TPRG1: variants seen among roughly 807,000 people sequenced by gnomAD.
TPRG1 encodes tumor protein p63 regulated 1.
In TPRG1, 29 loss-of-function variants were observed where a neutral mutation model predicts 29.3. The observed-to-expected ratio is 0.99, with a 90% CI of 0.74 to 1.35. TPRG1 has a LOEUF of 1.35. Ranked by LOEUF, TPRG1 falls within the 40% of genes most tolerant of loss-of-function variation. The pLI, the probability that TPRG1 is intolerant of heterozygous loss-of-function variation, is 0.00. For synonymous variants in TPRG1, 130 were observed against 116.8 expected (o/e 1.11, Z -0.73); for missense variants, 327 against 335.0 (o/e 0.98, Z 0.19).
At chr3:189,003,909 G>A (rs1712155862) in intron 2 of TPRG1, among the ~76,000 whole-genome samples, 1 of 152,174 alleles carries the variant, frequency 6.6e-6, no homozygotes, top group South Asian at 2.1e-4. Flanking sequence ...TCTCTTGGGG[G>A]TAGTGGGGGA....
chr3:189,183,120 G>A lies in TPRG1; in HGVS notation c.-10+10989G>A, dbSNP rs184799370. ...AGGTTCTTTTCCATTTTCCCTAAGC[G>A]TCAGCCAGTTTGAGAAATAAAGGGA... On this transcript the variant is annotated intron_variant, in intron 1 of 5. Coordinates refer to ENST00000345063, the MANE Select transcript of TPRG1 (RefSeq NM_198485.4). Among the ~76,000 whole-genome samples the A allele has an allele frequency of 2.5e-4, 38 of 152,216 alleles. No individual in the cohort carries two copies. In the East Asian group the frequency reaches 4.1e-3, roughly 16 times the overall value.
intron 4 of TPRG1, among the ~76,000 whole-genome samples, chr3:189,075,293 C>T (rs532967353): frequency 1.2e-3 from 181 of 152,084 alleles, no homozygotes; most frequent in Non-Finnish European, 2.0e-3. Flanking sequence ...CCACCATGCC[C>T]GGCTAATTTT....
intron 4 of TPRG1, among the ~76,000 whole-genome samples, chr3:189,066,533 A>G (rs999072748): frequency 2.6e-5 from 4 of 152,088 alleles, no homozygotes; most frequent in African/African-American, 9.7e-5. Flanking sequence ...ATAAATCAAT[A>G]TGATACATCA....
chr3:189,199,028 C>T (rs1038901249), intron 1 of TPRG1, among the ~76,000 whole-genome samples: 5 of 152,122 alleles, frequency 3.3e-5, no homozygotes, highest in Non-Finnish European at 5.9e-5. Flanking sequence ...TTCTTAAGTA[C>T]AAGAATAGTT....
chr3:189,321,531 C>T lies in TPRG1; in HGVS notation c.*711C>T, dbSNP rs191442103. ...AGATGTCAAACTTGAAGCTCATTCT[C>T]TTATCAAAATTGTTCATGTATTCCT... On this transcript the variant is annotated 3_prime_UTR_variant, in exon 6 of 6. Transcript: ENST00000345063. 1.3e-5 allele frequency: 2 copies of T among 151,970 alleles called. No homozygotes were observed. The highest frequency in any genetic ancestry group is 2.9e-5 in the Non-Finnish European group (2 of 67,982). The allele number at this position is 151,970 out of a possible 1,614,324, so 9.4% of individuals were successfully genotyped here. A position where few individuals can be genotyped will look rare whatever the true frequency, so the allele number is the denominator to read the frequency against.
intron 2 of TPRG1, among the ~76,000 whole-genome samples, chr3:189,127,629 A>G (rs1722636061): frequency 6.6e-6 from 1 of 152,226 alleles, no homozygotes; most frequent in Non-Finnish European, 1.5e-5. Context: ...ACATGTGGCT[A>G]TACTCCCAGG....
chr3:189,083,234 C>T (rs77523536), intron 4 of TPRG1, among the ~76,000 whole-genome samples: 1,904 of 152,228 alleles, frequency 0.013, 40 homozygotes, highest in African/African-American at 0.041. Context: ...TGGAAGCCAG[C>T]ACATCCTTGG....
At chr3:189,123,141 C>G (rs1722031004) in intron 1 of TPRG1, among the ~76,000 whole-genome samples, 1 of 152,172 alleles carries the variant, frequency 6.6e-6, no homozygotes, top group African/African-American at 2.4e-5. Context: ...GATTAATTCT[C>G]CTTTACTGAA....
intron 4 of TPRG1, among the ~76,000 whole-genome samples, chr3:189,039,435 A>G (rs1263790041): frequency 6.6e-6 from 1 of 152,158 alleles, no homozygotes; most frequent in Non-Finnish European, 1.5e-5. Flanking sequence ...TGAAAGGAGC[A>G]TTTTAAAAAA....
intron 4 of TPRG1, among the ~76,000 whole-genome samples, chr3:189,027,157 C>A (rs1227778693): frequency 2.0e-5 from 3 of 152,164 alleles, no homozygotes. Flanking sequence ...ACACTTTCTT[C>A]TTTCCTTGAC....
chr3:189,287,508 C>G (rs1234043719), intron 4 of TPRG1, among the ~76,000 whole-genome samples: 1 of 151,900 alleles, frequency 6.6e-6, no homozygotes, highest in Non-Finnish European at 1.5e-5. Context: ...TGCCATTCTC[C>G]TGCCTCAGCC....
intron 1 of TPRG1, among the ~76,000 whole-genome samples, chr3:189,103,645 C>A (rs914502495): frequency 2.6e-5 from 4 of 152,046 alleles, no homozygotes; most frequent in Non-Finnish European, 5.9e-5. Flanking sequence ...AGAAAACAAC[C>A]CCCAAAAGCC....
intron 4 of TPRG1, among the ~76,000 whole-genome samples, chr3:189,285,045 C>T (rs1288472770): frequency 6.6e-6 from 1 of 152,132 alleles, no homozygotes; most frequent in Non-Finnish European, 1.5e-5. Context: ...ACTCATCTGA[C>T]AAAGGGCTAA....
rs557553169 is a variant in TPRG1 at position 189,297,344 on chromosome 3, C to CA, written c.480-13041dup. Reference sequence around the variant, plus strand: ...ATCAGGTAAAAATGACCATGCCTTTCACTTCTCATTCAATACCCATGCCCT... The same window carrying CA: ...ATCAGGTAAAAATGACCATGCCTTTCAACTTCTCATTCAATACCCATGCCCT... On this transcript the variant is annotated intron_variant, in intron 4 of 5. Transcript: ENST00000345063. Among the ~76,000 whole-genome samples, 24 of 152,238 alleles carry CA rather than the reference C, an allele frequency of 1.6e-4. No individual in the cohort carries two copies. The East Asian group carries it at 4.4e-3, about 28-fold the overall frequency.
At chr3:189,184,697 C>T (rs183283546) in intron 1 of TPRG1, among the ~76,000 whole-genome samples, 67 of 152,260 alleles carry the variant, frequency 4.4e-4, no homozygotes, top group Admixed American at 2.4e-3. Context: ...CTTCCCGTAC[C>T]GTCATCATCA....
intron 4 of TPRG1, among the ~76,000 whole-genome samples, chr3:189,071,296 A>T (rs1314999507): frequency 6.6e-6 from 1 of 152,178 alleles, no homozygotes; most frequent in Non-Finnish European, 1.5e-5. Context: ...ATAAGCCAAT[A>T]AATTTCCTTT....
At chr3:189,016,537 C>T (rs961746979) in intron 3 of TPRG1, among the ~76,000 whole-genome samples, 13 of 151,956 alleles carry the variant, frequency 8.6e-5, no homozygotes, top group African/African-American at 4.8e-5. Context: ...ACATGAGATT[C>T]GGGAGGGGCT....
intron 1 of TPRG1, among the ~76,000 whole-genome samples, chr3:189,178,228 CAG>C (rs1729747928): frequency 2.6e-5 from 4 of 152,140 alleles, no homozygotes; most frequent in Admixed American, 1.3e-4. Context: ...GGAAAGATAA[CAG>C]AAGTATGCTT....
chr3:189,106,538 T>A (rs1352983768), intron 1 of TPRG1, among the ~76,000 whole-genome samples: 1 of 152,180 alleles, frequency 6.6e-6, no homozygotes, highest in Non-Finnish European at 1.5e-5. Context: ...TCCATTAGAC[T>A]ATTAATTTTG....
Sources: gnomAD v4.1 joint callset for allele counts (sites outside exome capture counted in the v4.1 genomes callset) on GRCh38, gnomAD v4.1.1 for gene constraint, MANE v1.5 for transcripts, NCBI Gene and HGNC (gene_info 2026-07-23, HGNC 2026-07-21) for gene names.